Variants in TPX2 observed in about 807,000 individuals in gnomAD.
TPX2 encodes TPX2 microtubule nucleation factor.
In TPX2, 21 loss-of-function variants were observed where a neutral mutation model predicts 93.6. That is an observed-to-expected ratio of 0.22 (90% CI 0.16 to 0.32). The LOEUF (loss-of-function observed/expected upper bound fraction) is 0.32. TPX2 is among the 10% of genes least tolerant of loss of function. The pLI, the probability that TPX2 is intolerant of heterozygous loss-of-function variation, is 1.00. For missense variants in TPX2, 776 were observed against 871.1 expected (o/e 0.89, Z 1.37); for synonymous variants, 281 against 298.3 (o/e 0.94, Z 0.60).
At chr20:31,747,767 G>A (rs1385639212) in intron 2 of TPX2, among the ~76,000 whole-genome samples, 2 of 143,510 alleles carry the variant, frequency 1.4e-5, no homozygotes, top group Non-Finnish European at 3.0e-5. Flanking sequence ...TGACGCATGT[G>A]CCTTTTTTTT....
rs35680390 is a variant in TPX2 at position 31,770,898 on chromosome 20, C to CTT, written c.485+443_485+444dup. ...CTTTGGTTCAGTGGCTGATTTTTAG[C>CTT]TTTTTTTTTTTTTTTTTCGTACTTG... On this transcript the variant is annotated intron_variant, in intron 6 of 17. Transcript: ENST00000300403. 5.0e-5 allele frequency among the ~76,000 whole-genome samples: 6 copies of CTT among 120,272 alleles called. No homozygotes were observed. The East Asian group carries it at 7.5e-4, about 15-fold the overall frequency. The allele number at this position is 120,272 out of a possible 152,430, so 78.9% of individuals were successfully genotyped here.
At chr20:31,761,652 T>G (rs1455662433) in intron 4 of TPX2, among the ~76,000 whole-genome samples, 1 of 152,244 alleles carries the variant, frequency 6.6e-6, no homozygotes, top group Non-Finnish European at 1.5e-5. Flanking sequence ...GTTCATCTGT[T>G]GATGGATACT....
At chr20:31,770,051 C>T (rs1210228438) in intron 5 of TPX2, among the ~76,000 whole-genome samples, 1 of 152,142 alleles carries the variant, frequency 6.6e-6, no homozygotes, top group Admixed American at 6.6e-5. Flanking sequence ...CCTCCTGCCG[C>T]AGCTTTCCAA....
intron 2 of TPX2, among the ~76,000 whole-genome samples, chr20:31,750,896 T>TTTG (rs540926106): frequency 3.2e-4 from 49 of 152,018 alleles, no homozygotes; most frequent in Admixed American, 1.0e-3. Context: ...GCTTAACTAT[T>TTTG]TTGTTGTTGT....
At chr20:31,775,775 G>A in intron 7 of TPX2, 92 bp from the exon 8 acceptor site, 2 of 1,270,238 alleles carry the variant, frequency 1.6e-6, no homozygotes, top group Non-Finnish European at 1.0e-6. Context: ...CTTATCACAG[G>A]TTAAAAATAT....
intron 14 of TPX2, 123 bp downstream of exon 14, chr20:31,794,147 A>G: frequency 4.3e-6 from 5 of 1,175,204 alleles, no homozygotes; most frequent in Non-Finnish European, 5.9e-6. Flanking sequence ...AGAACCCTAT[A>G]AAATATAAAT....
Position 31,775,768 on chromosome 20 carries a change from A to G in TPX2, c.609-99A>G. 3.2e-6 allele frequency: 4 copies of G among 1,239,618 alleles called. No homozygotes were observed. In the South Asian group the frequency reaches 1.2e-4, roughly 37 times the overall value. 76.8% of individuals were successfully genotyped at this position (1,239,618 alleles called of 1,614,324 possible). ...ATTTTTTGGTTTTGATGATTATCTT[A>G]TCACAGGTTAAAAATATTATATAAT... On this transcript the variant is annotated intron_variant, in intron 7 of 17. Coordinates refer to ENST00000300403, the MANE Select transcript of TPX2 (RefSeq NM_012112.5).
intron 2 of TPX2, among the ~76,000 whole-genome samples, chr20:31,754,432 G>A (rs1446816871): frequency 2.0e-5 from 3 of 152,122 alleles, no homozygotes; most frequent in Non-Finnish European, 4.4e-5. Context: ...GTGAAATGCT[G>A]GCCAAACCAC....
intron 15 of TPX2, 65 bp from the exon 16 acceptor site, chr20:31,797,339 G>A: frequency 7.0e-7 from 1 of 1,423,278 alleles, no homozygotes; most frequent in Non-Finnish European, 9.9e-7. Flanking sequence ...TAGAACTTAA[G>A]TTATTGAGGT....
chr20:31,790,340 A>G (rs1033335316), intron 12 of TPX2, among the ~76,000 whole-genome samples: 3 of 152,234 alleles, frequency 2.0e-5, no homozygotes, highest in Admixed American at 1.3e-4. Flanking sequence ...TGATACTGCA[A>G]AAAGCATTTT....
intron 6 of TPX2, 102 bp from the exon 7 acceptor site, chr20:31,771,458 T>G: frequency 7.0e-7 from 1 of 1,431,956 alleles, no homozygotes; most frequent in Non-Finnish European, 9.3e-7. Context: ...TGTTATCCTA[T>G]AGAATGAGAA....
chr20:31,744,461 A>C (rs1462336531), intron 2 of TPX2, among the ~76,000 whole-genome samples: 1 of 151,808 alleles, frequency 6.6e-6, no homozygotes, highest in Non-Finnish European at 1.5e-5. Flanking sequence ...CCGGCCTCTA[A>C]TTTTTTTAAC....
rs182941659 is a variant in TPX2, at chr20:31,786,765, A to C, written c.1413+2844A>C. Among the ~76,000 whole-genome samples the C allele has an allele frequency of 3.9e-5, 6 of 152,296 alleles. No individual in the cohort carries two copies. The East Asian group carries it at 1.2e-3, about 29-fold the overall frequency. ...TTTGTCAGTTGTGTGTACTCTAGAA[A>C]TGCTAGGGTGAAGTAGTAAGTAGGG... is the stretch of plus-strand genomic sequence containing the variant. On this transcript the variant is annotated intron_variant, in intron 12 of 17. Coordinates refer to ENST00000300403, the MANE Select transcript of TPX2 (RefSeq NM_012112.5).
In TPX2 at chr20:31,760,115, T is replaced by C. The variant is rs1171881574; in HGVS notation, c.165T>C (p.Phe55=). Residue 55 remains phenylalanine, a synonymous_variant, in exon 4 of 18, where the codon TTT becomes TTC. Transcript: ENST00000300403. ...LLGKNGTGGL[F]QGKTPLRKAN... The stretch of plus-strand genomic sequence containing the variant: ...GGAAGAATGGAACTGGAGGGCTTTT[T>C]CAGGGCAAAACTCCTTTGAGAAAGG... 1 of 1,614,012 alleles carries C rather than the reference T, an allele frequency of 6.2e-7. No homozygotes were observed. The highest frequency in any genetic ancestry group is 1.1e-5 in the South Asian group (1 of 91,070).
chr20:31,794,439 A>T lies in TPX2; in HGVS notation c.1724A>T (p.Asp575Val), dbSNP rs745974930. The T allele has an allele frequency of 9.3e-6, 15 of 1,613,914 alleles. No individual in the cohort carries two copies. The African/African-American group carries it at 2.0e-4, about 22-fold the overall frequency. ...AAGGCACTTCCCTTGCCTCATTTTG[A>T]CACCATTAACCTGCCAGAGAAGAAG... ...KFKALPLPHF[D>V]TINLPEKKVK... is the part of the protein sequence containing the mutation. The change falls in exon 15 of 18, where the codon GAC becomes GTC. Residue 575 changes from aspartate to valine, a missense_variant. By Grantham distance (152) the Asp-to-Val change is radical. Around this residue, in one of 3 missense-constraint regions of TPX2, gnomAD observed 461 missense variants for 551.2 expected, o/e 0.84. Transcript: ENST00000300403.
intron 12 of TPX2, among the ~76,000 whole-genome samples, chr20:31,789,237 T>G (rs2062085420): frequency 6.6e-6 from 1 of 152,206 alleles, no homozygotes; most frequent in African/African-American, 2.4e-5. Context: ...CATTAGAATG[T>G]GAGCTCCCTG....
intron 11 of TPX2, among the ~76,000 whole-genome samples, chr20:31,782,887 CAT>C (rs1472240313): frequency 8.1e-4 from 77 of 94,916 alleles, no homozygotes; most frequent in Admixed American, 1.0e-3. Context: ...CACATACACA[CAT>C]ACACACACAC....
At chr20:31,765,182 G>C (rs2061916707) in intron 4 of TPX2, among the ~76,000 whole-genome samples, 1 of 151,416 alleles carries the variant, frequency 6.6e-6, no homozygotes, top group South Asian at 2.1e-4. Context: ...ATCAAGGCTG[G>C]GCTTGTAGTT....
At chr20:31,772,193 G>A (rs1284793308) in intron 7 of TPX2, among the ~76,000 whole-genome samples, 1 of 151,946 alleles carries the variant, frequency 6.6e-6, no homozygotes, top group African/African-American at 2.4e-5. Flanking sequence ...GCTAATTTTT[G>A]TATTTTTAGT....
Sources: allele counts gnomAD v4.1 joint callset (sites outside exome capture counted in the v4.1 genomes callset), GRCh38; gene constraint gnomAD v4.1.1; regional missense constraint gnomAD v4.1.1; transcripts MANE v1.5; gene names NCBI Gene and HGNC (gene_info 2026-07-23, HGNC 2026-07-21).